NMNAT2: variants seen among roughly 807,000 people sequenced by gnomAD.
NMNAT2 encodes the protein nicotinamide nucleotide adenylyltransferase 2, also known as nicotinamide/nicotinic acid mononucleotide adenylyltransferase 2.
Under a neutral mutation model 41.6 loss-of-function variants are expected in NMNAT2, and 11 were observed. The ratio of observed to expected loss-of-function variants is 0.26; its 90% CI spans 0.17 to 0.44. NMNAT2 has a LOEUF of 0.44. NMNAT2 is among the 20% of genes least tolerant of loss of function. NMNAT2 has a pLI of 1.00. For missense variants in NMNAT2, 288 were observed against 407.7 expected (o/e 0.71, Z 2.53); for synonymous variants, 148 against 151.2 (o/e 0.98, Z 0.16).
intron 1 of NMNAT2, among the ~76,000 whole-genome samples, chr1:183,411,457 C>T (rs1175604275): frequency 1.3e-5 from 2 of 152,180 alleles, no homozygotes; most frequent in Non-Finnish European, 2.9e-5. Flanking sequence ...GCATGCACCA[C>T]CAGGCCTGGC....
chr1:183,326,658 G>A (rs1662470776), intron 1 of NMNAT2, among the ~76,000 whole-genome samples: 1 of 152,112 alleles, frequency 6.6e-6, no homozygotes, highest in African/African-American at 2.4e-5. Flanking sequence ...AAGGGAAAAA[G>A]AAGTCATTGG....
chr1:183,349,740 G>T (rs1663005551), intron 1 of NMNAT2, among the ~76,000 whole-genome samples: 1 of 152,196 alleles, frequency 6.6e-6, no homozygotes, highest in Admixed American at 6.5e-5. Flanking sequence ...TGTAAGGAGG[G>T]CAGGAGATTT....
intron 1 of NMNAT2, among the ~76,000 whole-genome samples, chr1:183,320,615 AT>A (rs1662339680): frequency 6.6e-6 from 1 of 152,146 alleles, no homozygotes; most frequent in Admixed American, 6.5e-5. Context: ...AATAAATAAA[AT>A]TTCTTTGTGA....
chr1:183,292,662 C>A, intron 3 of NMNAT2, 128 bp downstream of exon 3: 2 of 808,178 alleles, frequency 2.5e-6, no homozygotes, highest in Non-Finnish European at 4.2e-6. Flanking sequence ...CTCCACAAGG[C>A]TAATATCTTG....
intron 8 of NMNAT2, among the ~76,000 whole-genome samples, chr1:183,263,526 C>T (rs1350524363): frequency 6.6e-6 from 1 of 152,172 alleles, no homozygotes; most frequent in Non-Finnish European, 1.5e-5. Context: ...ATCAATTAAA[C>T]CAGAATCTCG....
intron 1 of NMNAT2, among the ~76,000 whole-genome samples, chr1:183,411,238 C>T (rs1649108176): frequency 6.6e-6 from 1 of 152,186 alleles, no homozygotes. Context: ...ATAGAGCCTT[C>T]CTGACTCTAT....
intron 1 of NMNAT2, among the ~76,000 whole-genome samples, chr1:183,343,654 G>T (rs1662865291): frequency 6.6e-6 from 1 of 152,156 alleles, no homozygotes; most frequent in Non-Finnish European, 1.5e-5. Context: ...ACTAGCACTT[G>T]CTACCTCTCT....
At chr1:183,314,843 C>T (rs1662206492) in intron 1 of NMNAT2, among the ~76,000 whole-genome samples, 1 of 152,198 alleles carries the variant, frequency 6.6e-6, no homozygotes, top group African/African-American at 2.4e-5. Flanking sequence ...GGCACCACTG[C>T]ACTCAGGCCT....
chr1:183,385,467 T>G (rs1648203301), intron 1 of NMNAT2, among the ~76,000 whole-genome samples: 1 of 152,190 alleles, frequency 6.6e-6, no homozygotes, highest in Admixed American at 6.5e-5. Flanking sequence ...CAGGTCTAAT[T>G]GAGATAAAAC....
chr1:183,408,686 T>A (rs1649029329), intron 1 of NMNAT2, among the ~76,000 whole-genome samples: 1 of 152,220 alleles, frequency 6.6e-6, no homozygotes. Flanking sequence ...GTCAACACTG[T>A]TAACAGCAAG....
At chr1:183,396,965 C>T (rs1333225466) in intron 1 of NMNAT2, among the ~76,000 whole-genome samples, 2 of 152,148 alleles carry the variant, frequency 1.3e-5, no homozygotes, top group Non-Finnish European at 2.9e-5. Context: ...AACACCTTCA[C>T]ACTCAACAAA....
At chr1:183,272,504 G>T (rs910513194) in intron 8 of NMNAT2, among the ~76,000 whole-genome samples, 7 of 152,190 alleles carry the variant, frequency 4.6e-5, no homozygotes, top group African/African-American at 1.7e-4. Flanking sequence ...TGGTCAGAGA[G>T]GGTCAGAATT....
At chr1:183,291,359 C>T (rs1367253475) in intron 3 of NMNAT2, among the ~76,000 whole-genome samples, 8 of 152,148 alleles carry the variant, frequency 5.3e-5, no homozygotes, top group Non-Finnish European at 1.2e-4. Context: ...TGCCATTTGC[C>T]GGGACCCTGG....
intron 1 of NMNAT2, among the ~76,000 whole-genome samples, chr1:183,405,458 G>A (rs1275636544): frequency 6.6e-6 from 1 of 152,102 alleles, no homozygotes; most frequent in African/African-American, 2.4e-5. Context: ...TTATTACTTG[G>A]TTTTTAAAAG....
At chr1:183,389,824 G>T (rs1239701648) in intron 1 of NMNAT2, among the ~76,000 whole-genome samples, 1 of 54,292 alleles carries the variant, frequency 1.8e-5, no homozygotes, top group African/African-American at 6.1e-5. Flanking sequence ...AAGAAAGAAA[G>T]AAAGAAAGAA....
intron 1 of NMNAT2, among the ~76,000 whole-genome samples, chr1:183,331,004 TTCTC>T (rs1042033395): frequency 6.6e-6 from 1 of 152,044 alleles, no homozygotes; most frequent in Non-Finnish European, 1.5e-5. Context: ...ATTTCTTTTT[TTCTC>T]TCTCTCTCCC....
chr1:183,324,912 G>A (rs112748863), intron 1 of NMNAT2, among the ~76,000 whole-genome samples: 18 of 152,270 alleles, frequency 1.2e-4, no homozygotes, highest in African/African-American at 3.9e-4. Flanking sequence ...TGTAGTAGGT[G>A]CTTGATCAAT....
intron 6 of NMNAT2, among the ~76,000 whole-genome samples, chr1:183,284,283 G>T (rs1163472728): frequency 6.6e-6 from 1 of 152,234 alleles, no homozygotes; most frequent in Non-Finnish European, 1.5e-5. Flanking sequence ...AGACAGCCTG[G>T]CTGGGGAGCC....
intron 1 of NMNAT2, among the ~76,000 whole-genome samples, chr1:183,393,664 G>C (rs897494834): frequency 1.3e-5 from 2 of 151,982 alleles, no homozygotes; most frequent in Non-Finnish European, 2.9e-5. Context: ...CAAGCGATTC[G>C]CCTGCCTCAG....
Sources: gnomAD v4.1 joint callset for allele counts (sites outside exome capture counted in the v4.1 genomes callset) on GRCh38, gnomAD v4.1.1 for gene constraint, MANE v1.5 for transcripts, NCBI Gene and HGNC (gene_info 2026-07-23, HGNC 2026-07-21) for gene names.